Variants in TDP1 observed in about 807,000 individuals in gnomAD.
TDP1 encodes the protein tyrosyl-DNA phosphodiesterase 1.
TDP1 carries 64 observed loss-of-function variants against 81.5 expected under a neutral mutation model. The ratio of observed to expected loss-of-function variants is 0.79; its 90% confidence interval spans 0.64 to 0.97. The LOEUF (loss-of-function observed/expected upper bound fraction) is 0.97. Ranked by LOEUF, TDP1 falls within the 50% of genes least tolerant of loss-of-function variation. The probability of loss-of-function intolerance (pLI) is 0.00; values close to 1 mark genes in which losing one functional copy is unlikely to be tolerated. For missense variants in TDP1, 723 were observed against 743.8 expected, an observed-to-expected ratio of 0.97 and a Z score of 0.33; for synonymous variants, 256 against 264.3, an observed-to-expected ratio of 0.97 and a Z score of 0.30.
chr14:89,982,235 A>G (rs983163796), intron 8 of TDP1, among the ~76,000 whole-genome samples: 2 of 152,150 alleles, frequency 1.3e-5, no homozygotes, highest in African/African-American at 4.8e-5. Flanking sequence ...CACTGAAAAT[A>G]TGCTTTTCAA....
intron 12 of TDP1, 26 bp downstream of exon 12, chr14:89,989,791 T>C (rs755350081): frequency 2.9e-5 from 45 of 1,566,252 alleles, no homozygotes; most frequent in African/African-American, 4.1e-5. Flanking sequence ...ACTGTCTTGA[T>C]TGTGTTTTAT....
chr14:89,968,285 C>T (rs1483961819), intron 5 of TDP1, among the ~76,000 whole-genome samples: 2 of 150,960 alleles, frequency 1.3e-5, no homozygotes, highest in Admixed American at 1.3e-4. Flanking sequence ...AGATGGTAAA[C>T]ATTTATGGTC....
intron 14 of TDP1, among the ~76,000 whole-genome samples, chr14:90,014,639 T>C (rs1261839052): frequency 6.6e-6 from 1 of 152,242 alleles, no homozygotes; most frequent in African/African-American, 2.4e-5. Flanking sequence ...CTGTACTCTT[T>C]GTGCTGCTGC....
At chr14:90,002,663 A>C (rs1189255819) in intron 14 of TDP1, among the ~76,000 whole-genome samples, 1 of 151,744 alleles carries the variant, frequency 6.6e-6, no homozygotes, top group African/African-American at 2.4e-5. Flanking sequence ...TGCGCTCAGG[A>C]ATTCAAGATC....
chr14:89,983,870 A>C (rs1056044133), intron 8 of TDP1, among the ~76,000 whole-genome samples: 4 of 152,256 alleles, frequency 2.6e-5, no homozygotes, highest in African/African-American at 9.6e-5. Flanking sequence ...ATGCTTCTTC[A>C]GTGAATTAAG....
intron 16 of TDP1, among the ~76,000 whole-genome samples, chr14:90,034,719 A>G (rs950328145): frequency 6.6e-6 from 1 of 152,264 alleles, no homozygotes; most frequent in African/African-American, 2.4e-5. Context: ...TATAATCTGC[A>G]GGTTTCTGAG....
chr14:89,997,840 G>A (rs1266003335), intron 14 of TDP1, among the ~76,000 whole-genome samples: 1 of 152,050 alleles, frequency 6.6e-6, no homozygotes, highest in Admixed American at 6.5e-5. Flanking sequence ...TTGGGTATCA[G>A]ATTTAACCAT....
At chr14:89,956,025 G>A (rs1171412025) in intron 1 of TDP1, 55 bp downstream of exon 1, 1 of 152,842 alleles carries the variant, frequency 6.5e-6, no homozygotes, top group East Asian at 1.9e-4. Flanking sequence ...GCGGGCTGCG[G>A]TCGGGCCCGG....
chr14:89,969,509 A>G (rs188583055), intron 5 of TDP1, among the ~76,000 whole-genome samples: 220 of 152,374 alleles, frequency 1.4e-3, no homozygotes, highest in African/African-American at 5.0e-3. Flanking sequence ...TTCAGTTTCT[A>G]TCAGTCATAT....
In TDP1 at chr14:90,007,940, C is replaced by T. The variant is rs932095418; in HGVS notation, c.1542-11376C>T. 3.9e-5 allele frequency among the ~76,000 whole-genome samples: 6 copies of T among 152,228 alleles called. No homozygotes were observed. The South Asian group carries it at 1.2e-3, about 32-fold the overall frequency. On this transcript the variant is annotated intron_variant, in intron 14 of 16. Transcript: ENST00000335725. Reference sequence around the variant, plus strand: ...ATATTTTTTTCCATTGGCTTTTGAGCTCAGTTGTTGGTATTGAGAAGTTGC... The same window carrying T: ...ATATTTTTTTCCATTGGCTTTTGAGTTCAGTTGTTGGTATTGAGAAGTTGC...
At chr14:90,002,002 T>C (rs1897231357) in intron 14 of TDP1, among the ~76,000 whole-genome samples, 1 of 152,200 alleles carries the variant, frequency 6.6e-6, no homozygotes, top group South Asian at 2.1e-4. Context: ...CATCTAACAC[T>C]GCATGGCACA....
At chr14:90,000,985 C>T (rs1005412219) in intron 14 of TDP1, among the ~76,000 whole-genome samples, 2 of 152,186 alleles carry the variant, frequency 1.3e-5, no homozygotes, top group African/African-American at 4.8e-5. Context: ...ATAAAAGATT[C>T]ATAGAATCAC....
intron 2 of TDP1, among the ~76,000 whole-genome samples, chr14:89,961,862 T>C (rs1052503693): frequency 2.0e-5 from 3 of 152,206 alleles, no homozygotes; most frequent in African/African-American, 7.2e-5. Flanking sequence ...TCCAGCCTCA[T>C]TAAAACAGCA....
At chr14:89,964,801 G>T in intron 3 of TDP1, 1 of 405,030 alleles carries the variant, frequency 2.5e-6, no homozygotes, top group Non-Finnish European at 4.8e-6. Context: ...CCAAGGTATT[G>T]TGGTAACATG....
rs35744477 is a variant in TDP1, at chr14:89,976,527, C to CTT, written c.791+739_791+740dup. 6.6e-3 allele frequency among the ~76,000 whole-genome samples: 583 copies of CTT among 88,728 alleles called. 97 individuals are homozygous for CTT. Among genetic ancestry groups the CTT allele is most frequent in the African/African-American group, 0.018 (364 of 20,028 alleles). The allele number at this position is 88,728 out of a possible 152,430, so 58.2% of individuals were successfully genotyped here. ...TTTGCAGGTTAAACTCAACAGAGCT[C>CTT]TTTTTTTTTTTTTTTTTTTTTTTTT... On this transcript the variant is annotated intron_variant, in intron 7 of 16. Transcript: ENST00000335725.
At chr14:89,991,332 A>G (rs1209004187) in intron 12 of TDP1, among the ~76,000 whole-genome samples, 1 of 152,218 alleles carries the variant, frequency 6.6e-6, no homozygotes, top group African/African-American at 2.4e-5. Context: ...TATTTTTAAC[A>G]AAGCTGTTTT....
chr14:90,029,035 C>G (rs1401944066), intron 15 of TDP1, among the ~76,000 whole-genome samples: 2 of 152,062 alleles, frequency 1.3e-5, no homozygotes, highest in Non-Finnish European at 2.9e-5. Context: ...ACCAGGGTTT[C>G]TAGAATTTGG....
intron 7 of TDP1, among the ~76,000 whole-genome samples, chr14:89,976,193 A>G (rs1894292985): frequency 6.7e-6 from 1 of 150,044 alleles, no homozygotes; most frequent in African/African-American, 2.5e-5. Context: ...GCAGCCTCCA[A>G]CTCCTGGGCT....
chr14:89,993,377 A>G lies in TDP1; in HGVS notation c.1435A>G (p.Lys479Glu). The change falls in exon 14 of 17, where the codon AAA becomes GAA. Residue 479 changes from lysine (K) to glutamate (E), a missense_variant and splice_region_variant. Coordinates refer to ENST00000335725, the MANE Select transcript of TDP1 (RefSeq NM_018319.4). Reference protein sequence around the residue: ...KQNWLHSYFHKWSAETSGRSN... With the variant: ...KQNWLHSYFHEWSAETSGRSN... ...AACTTTTGTCTTTTCTGTCACTAGC[A>G]AATGGTCAGCTGAGACTTCTGGCCG... The G allele has an allele frequency of 6.2e-7, 1 of 1,612,880 alleles. No individual in the cohort carries two copies. Among genetic ancestry groups the G allele is most frequent in the Non-Finnish European group, 8.5e-7 (1 of 1,179,030 alleles).
Sources: allele counts gnomAD v4.1 joint callset (sites outside exome capture counted in the v4.1 genomes callset), GRCh38; gene constraint gnomAD v4.1.1; transcripts MANE v1.5; gene names NCBI Gene and HGNC (gene_info 2026-07-23, HGNC 2026-07-21).